NCMAP: variants seen among roughly 807,000 people sequenced by gnomAD.
NCMAP encodes noncompact myelin-associated protein.
A neutral mutation model predicts 7.8 loss-of-function variants in NCMAP; 8 were observed. The ratio of observed to expected loss-of-function variants is 1.02; its 90% CI spans 0.60 to 1.84. The LOEUF (loss-of-function observed/expected upper bound fraction) is 1.84. Ranked by LOEUF, NCMAP falls within the 40% of genes most tolerant of loss-of-function variation. The pLI is 0.00. For synonymous variants in NCMAP, 41 were observed against 52.9 expected (o/e 0.78, Z 0.98); for missense variants, 112 against 131.4 (o/e 0.85, Z 0.72).
intron 1 of NCMAP, among the ~76,000 whole-genome samples, chr1:24,593,722 C>T (rs1652120948): frequency 2.0e-5 from 3 of 152,110 alleles, no homozygotes; most frequent in East Asian, 3.9e-4. Flanking sequence ...TACAAACAAG[C>T]CTAGGCAATT....
intron 1 of NCMAP, among the ~76,000 whole-genome samples, chr1:24,573,970 A>AG (rs1651471383): frequency 7.0e-6 from 1 of 143,014 alleles, no homozygotes; most frequent in Admixed American, 6.8e-5. Context: ...AAAAAAAAAA[A>AG]ACAGAAAAAA....
At chr1:24,567,947 C>A (rs1205866306) in intron 1 of NCMAP, among the ~76,000 whole-genome samples, 1 of 152,040 alleles carries the variant, frequency 6.6e-6, no homozygotes, top group Admixed American at 6.6e-5. Context: ...GGGCTTGATT[C>A]TACCCATAGA....
intron 1 of NCMAP, among the ~76,000 whole-genome samples, chr1:24,571,576 A>G (rs955060951): frequency 6.6e-6 from 1 of 150,482 alleles, no homozygotes; most frequent in Non-Finnish European, 1.5e-5. Flanking sequence ...ATAGAAAAAA[A>G]CTTCATATAT....
Position 24,567,366 on chromosome 1 carries a change from C to G in NCMAP, c.-8+11197C>G, listed in dbSNP as rs1024961336. 8.5e-5 allele frequency among the ~76,000 whole-genome samples: 13 copies of G among 152,252 alleles called. 1 individual carries two copies. Among genetic ancestry groups the G allele is most frequent in the African/African-American group, 2.4e-4 (10 of 41,544 alleles). ...GTACCTATGAGATGCTGTGAAGAGT[C>G]TCAGAGGAGGCTGACCTCCTTCAGA... On this transcript the variant is annotated intron_variant, in intron 1 of 3. Transcript: ENST00000374392.
chr1:24,597,063 G>A (rs191356755), intron 2 of NCMAP, among the ~76,000 whole-genome samples: 16 of 152,284 alleles, frequency 1.1e-4, no homozygotes, highest in Admixed American at 2.6e-4. Context: ...TCCCAGGACG[G>A]GGTCCCATGG....
At chr1:24,580,052 A>G (rs1006885932) in intron 1 of NCMAP, among the ~76,000 whole-genome samples, 6 of 152,108 alleles carry the variant, frequency 3.9e-5, no homozygotes, top group Non-Finnish European at 7.4e-5. Flanking sequence ...GAGATTCTGC[A>G]TTCCCAACAA....
At chr1:24,577,418 T>TG (rs1557596579) in intron 1 of NCMAP, among the ~76,000 whole-genome samples, 2 of 146,738 alleles carry the variant, frequency 1.4e-5, no homozygotes, top group African/African-American at 2.5e-5. Flanking sequence ...TTTTTTTTTT[T>TG]TTTTTTTTTT....
chr1:24,560,786 G>C (rs1651027986), intron 1 of NCMAP, among the ~76,000 whole-genome samples: 1 of 151,542 alleles, frequency 6.6e-6, no homozygotes, highest in African/African-American at 2.4e-5. Context: ...TCCCCTCGCT[G>C]CTGTGCCCAA....
intron 1 of NCMAP, among the ~76,000 whole-genome samples, chr1:24,574,604 T>G (rs942947121): frequency 9.2e-5 from 14 of 152,016 alleles, no homozygotes; most frequent in Admixed American, 2.6e-4. Flanking sequence ...TATAACACAT[T>G]GATCCTGTCT....
intron 1 of NCMAP, among the ~76,000 whole-genome samples, chr1:24,581,154 G>A (rs953582972): frequency 1.3e-5 from 2 of 150,890 alleles, no homozygotes; most frequent in East Asian, 1.9e-4. Flanking sequence ...GTCTCGCTGC[G>A]ATGCCAGGCT....
chr1:24,563,359 T>C (rs931447429), intron 1 of NCMAP, among the ~76,000 whole-genome samples: 2 of 151,656 alleles, frequency 1.3e-5, no homozygotes, highest in Admixed American at 6.6e-5. Flanking sequence ...CCGTCTCTAC[T>C]AAAAATACAA....
rs775386484 is a variant in NCMAP at position 24,605,678 on chromosome 1, C to A, written c.240C>A (p.Asn80Lys). 1 of 1,614,078 alleles carries A rather than the reference C, an allele frequency of 6.2e-7. No homozygotes were observed. The highest frequency in any genetic ancestry group is 2.2e-5 in the East Asian group (1 of 44,898). The change falls in exon 4 of 4, where the codon AAC becomes AAA. Residue 80 changes from asparagine to lysine, a missense_variant. Transcript: ENST00000374392. ...CCGCCCCTTCTGCCGTGGGCCCAAA[C>A]AGCAACGGCAGCCAACACCCAGCAA... is the stretch of plus-strand genomic sequence containing the variant. ...KPTAPSAVGP[N>K]SNGSQHPATV...
chr1:24,557,587 G>C (rs902049505), intron 1 of NCMAP, among the ~76,000 whole-genome samples: 2 of 152,176 alleles, frequency 1.3e-5, no homozygotes, highest in Non-Finnish European at 2.9e-5. Flanking sequence ...TGATGGGGCA[G>C]GAACTCTAGG....
intron 3 of NCMAP, among the ~76,000 whole-genome samples, chr1:24,603,911 T>C (rs1327356251): frequency 6.6e-6 from 1 of 152,202 alleles, no homozygotes; most frequent in Admixed American, 6.5e-5. Flanking sequence ...CTGGGTAAAT[T>C]ATACAGAAAA....
At chr1:24,600,278 G>C (rs529975974) in intron 2 of NCMAP, among the ~76,000 whole-genome samples, 3 of 151,818 alleles carry the variant, frequency 2.0e-5, no homozygotes, top group African/African-American at 7.3e-5. Context: ...AGCCTCCCAA[G>C]TAGCTGGCAC....
chr1:24,605,843 T>G lies in NCMAP; in HGVS notation c.*96T>G. 1 of 1,430,534 alleles carries G rather than the reference T, an allele frequency of 7.0e-7. No individual in the cohort carries two copies. The highest frequency in any genetic ancestry group is 2.0e-5 in the Admixed American group (1 of 50,130). 88.6% of individuals were successfully genotyped at this position (1,430,534 alleles called of 1,614,324 possible). A position where few individuals can be genotyped will look rare whatever the true frequency, so the allele number is the denominator to read the frequency against. Reference sequence around the variant, plus strand: ...TCTGGCAGCTTCACAATGAGCTTCTTCTGGTCAGGTCGACAGAGACATCTT... The same window carrying G: ...TCTGGCAGCTTCACAATGAGCTTCTGCTGGTCAGGTCGACAGAGACATCTT... On this transcript the variant is annotated 3_prime_UTR_variant, in exon 4 of 4. Coordinates refer to ENST00000374392, the MANE Select transcript of NCMAP (RefSeq NM_001010980.5).
chr1:24,605,557 C>A (rs72886153), intron 3 of NCMAP, 49 bp from the exon 4 acceptor site: 88 of 1,594,678 alleles, frequency 5.5e-5, no homozygotes, highest in Middle Eastern at 3.3e-4. Flanking sequence ...CCATTCCCCG[C>A]GGCATACCAG....
chr1:24,583,051 C>T (rs573990872), intron 1 of NCMAP, among the ~76,000 whole-genome samples: 10 of 152,270 alleles, frequency 6.6e-5, no homozygotes, highest in African/African-American at 2.2e-4. Flanking sequence ...GGTATGAAAA[C>T]AGACTGGACA....
intron 1 of NCMAP, among the ~76,000 whole-genome samples, chr1:24,569,125 C>T (rs1413005767): frequency 1.3e-5 from 2 of 152,172 alleles, no homozygotes; most frequent in Non-Finnish European, 2.9e-5. Context: ...TCCCGAGTAG[C>T]TGAGATTACA....
Sources: allele counts gnomAD v4.1 joint callset (sites outside exome capture counted in the v4.1 genomes callset), GRCh38; gene constraint gnomAD v4.1.1; transcripts MANE v1.5; gene names NCBI Gene and HGNC (gene_info 2026-07-23, HGNC 2026-07-21).